Variants in GPHN observed in about 807,000 individuals in gnomAD.
GPHN encodes the protein gephyrin.
In GPHN, 17 loss-of-function variants were observed where a neutral mutation model predicts 95.5. That is an observed-to-expected ratio of 0.18 (90% CI 0.12 to 0.27). The LOEUF (loss-of-function observed/expected upper bound fraction) is 0.27. Ranked by LOEUF, GPHN falls within the 10% of genes least tolerant of loss-of-function variation. GPHN has a pLI of 1.00. For missense variants in GPHN, 660 were observed against 978.1 expected, an observed-to-expected ratio of 0.67 and a Z score of 4.34; for synonymous variants, 320 against 322.5, an observed-to-expected ratio of 0.99 and a Z score of 0.08.
intron 4 of GPHN, among the ~76,000 whole-genome samples, chr14:66,841,268 AG>A (rs1227066297): frequency 1.3e-5 from 2 of 152,114 alleles, no homozygotes; most frequent in Non-Finnish European, 2.9e-5. Flanking sequence ...AATTTTAAAT[AG>A]GGTCATCCAT....
chr14:67,562,002 G>A, the GPHN span: 1 of 1,613,890 alleles, frequency 6.2e-7, no homozygotes, highest in Middle Eastern at 1.7e-4. Context: ...GCGCCTGGTG[G>A]AGCAGGTGGG....
At chr14:66,960,468 T>G (rs938005386) in intron 8 of GPHN, among the ~76,000 whole-genome samples, 3 of 152,112 alleles carry the variant, frequency 2.0e-5, no homozygotes, top group Non-Finnish European at 2.9e-5. Context: ...ATTCATTTTT[T>G]GAAATACTTT....
At chr14:66,560,511 G>T (rs952910610) in intron 1 of GPHN, among the ~76,000 whole-genome samples, 1 of 152,154 alleles carries the variant, frequency 6.6e-6, no homozygotes, top group Non-Finnish European at 1.5e-5. Flanking sequence ...CATTGTGATT[G>T]GGAGTTCACT....
chr14:66,793,280 T>C (rs910786052), intron 3 of GPHN, among the ~76,000 whole-genome samples: 6 of 152,220 alleles, frequency 3.9e-5, no homozygotes, highest in Admixed American at 6.5e-5. Flanking sequence ...AAACAATACA[T>C]GTATAATTGG....
At chr14:67,581,274 G>GCACACACACACA in the GPHN span, among the ~76,000 whole-genome samples, 1 of 148,000 alleles carries the variant, frequency 6.8e-6, no homozygotes, top group African/African-American at 2.5e-5. Context: ...GTGTGTATAT[G>GCACACACACACA]CACACACACA....
At chr14:67,222,602 A>C in the GPHN span, among the ~76,000 whole-genome samples, 1 of 152,130 alleles carries the variant, frequency 6.6e-6, no homozygotes, top group East Asian at 1.9e-4. Flanking sequence ...TTTATTTGGC[A>C]GTGGGGAGTG....
chr14:67,216,589 G>A, the GPHN span, among the ~76,000 whole-genome samples: 8 of 151,966 alleles, frequency 5.3e-5, no homozygotes, highest in East Asian at 1.9e-4. Flanking sequence ...ATAAGTTTTC[G>A]TATATTGTAT....
chr14:67,605,683 C>G, the GPHN span, among the ~76,000 whole-genome samples: 2 of 151,954 alleles, frequency 1.3e-5, no homozygotes, highest in African/African-American at 2.4e-5. Flanking sequence ...ATATGCTTCT[C>G]TCATATTAAT....
chr14:66,558,500 A>C (rs1478468922), intron 1 of GPHN, among the ~76,000 whole-genome samples: 1 of 152,146 alleles, frequency 6.6e-6, no homozygotes, highest in South Asian at 2.1e-4. Flanking sequence ...AATGATATTC[A>C]TCAAACCCCT....
At chr14:67,560,698 T>A in the GPHN span, among the ~76,000 whole-genome samples, 1 of 152,038 alleles carries the variant, frequency 6.6e-6, no homozygotes, top group South Asian at 2.1e-4. Context: ...GGAGTGGGAA[T>A]TGCAGTTTGG....
chr14:67,667,983 A>C, the GPHN span, among the ~76,000 whole-genome samples: 1 of 152,196 alleles, frequency 6.6e-6, no homozygotes. Context: ...ATGAGGAGTT[A>C]GAATAGTTAA....
chr14:67,194,928 G>C, the GPHN span, among the ~76,000 whole-genome samples: 1 of 152,168 alleles, frequency 6.6e-6, no homozygotes, highest in East Asian at 1.9e-4. Context: ...AAAGTGCTGG[G>C]ATTATAGGCG....
the GPHN span, among the ~76,000 whole-genome samples, chr14:67,211,716 G>A: frequency 6.6e-6 from 1 of 152,152 alleles, no homozygotes; most frequent in South Asian, 2.1e-4. Context: ...ACCATCCTGG[G>A]CAACTTAACA....
intron 1 of GPHN, among the ~76,000 whole-genome samples, chr14:66,546,959 T>C (rs1439702288): frequency 6.6e-6 from 1 of 152,224 alleles, no homozygotes; most frequent in African/African-American, 2.4e-5. Context: ...TCAGTAAATT[T>C]GCTCTTTTTC....
At chr14:66,802,485 C>A (rs2060393382) in intron 3 of GPHN, among the ~76,000 whole-genome samples, 1 of 152,148 alleles carries the variant, frequency 6.6e-6, no homozygotes, top group South Asian at 2.1e-4. Context: ...AGTTGCAAGA[C>A]AAAGTCCCTT....
intron 1 of GPHN, among the ~76,000 whole-genome samples, chr14:66,618,126 A>C (rs1393910913): frequency 6.6e-6 from 1 of 152,038 alleles, no homozygotes; most frequent in Admixed American, 6.6e-5. Flanking sequence ...AGTGGCTAGG[A>C]TCTCTAGTAC....
intron 1 of GPHN, among the ~76,000 whole-genome samples, chr14:66,628,150 A>C (rs928068224): frequency 6.6e-6 from 1 of 152,198 alleles, no homozygotes; most frequent in Admixed American, 6.5e-5. Flanking sequence ...AACAGCAATT[A>C]ATTGAATAAA....
chr14:67,638,685 G>C, the GPHN span, among the ~76,000 whole-genome samples: 1 of 152,192 alleles, frequency 6.6e-6, no homozygotes, highest in Non-Finnish European at 1.5e-5. Context: ...GGAGCAGGAA[G>C]GTAGGCCACT....
At chr14:67,263,185 CTT>C in the GPHN span, among the ~76,000 whole-genome samples, 2 of 152,090 alleles carry the variant, frequency 1.3e-5, no homozygotes, top group African/African-American at 4.8e-5. Context: ...AAATGAAACA[CTT>C]TTTACTTCAG....
Sources: gnomAD v4.1 joint callset for allele counts (sites outside exome capture counted in the v4.1 genomes callset) on GRCh38, gnomAD v4.1.1 for gene constraint, MANE v1.5 for transcripts, NCBI Gene and HGNC (gene_info 2026-07-23, HGNC 2026-07-21) for gene names.